The following PDSS1 variants were observed in gnomAD, a reference collection of about 807,000 sequenced individuals.
PDSS1 encodes the protein decaprenyl diphosphate synthase subunit 1.
A neutral mutation model predicts 57.5 loss-of-function variants in PDSS1; 43 were observed. The ratio of observed to expected loss-of-function variants is 0.75; its 90% CI spans 0.59 to 0.96. The LOEUF (loss-of-function observed/expected upper bound fraction) is 0.96, where lower values mean the gene tolerates loss of function less well. Ranked by LOEUF, PDSS1 falls within the 50% of genes least tolerant of loss-of-function variation. The probability of loss-of-function intolerance (pLI) is 0.00; values close to 1 mark genes in which losing one functional copy is unlikely to be tolerated. For missense variants in PDSS1, 438 were observed against 527.8 expected, an observed-to-expected ratio of 0.83 and a Z score of 1.67; for synonymous variants, 175 against 191.3, an observed-to-expected ratio of 0.91 and a Z score of 0.70.
chr10:26,741,502 CA>C (rs935374603), intron 10 of PDSS1, among the ~76,000 whole-genome samples: 1 of 141,270 alleles, frequency 7.1e-6, no homozygotes, highest in Non-Finnish European at 1.6e-5. Context: ...GGGGGAAAAA[CA>C]ACAAAAAAAC....
chr10:26,737,238 T>A (rs945978812), intron 10 of PDSS1, among the ~76,000 whole-genome samples: 7 of 152,226 alleles, frequency 4.6e-5, no homozygotes, highest in Non-Finnish European at 1.0e-4. Context: ...AGTTACCGGT[T>A]GAGTCCTACT....
chr10:26,718,485 G>A (rs559552326), intron 5 of PDSS1, among the ~76,000 whole-genome samples: 1 of 152,098 alleles, frequency 6.6e-6, no homozygotes, highest in East Asian at 1.9e-4. Flanking sequence ...ATGAGGCCAG[G>A]CGTGGTGGCT....
intron 8 of PDSS1, among the ~76,000 whole-genome samples, chr10:26,730,420 G>A (rs1052335701): frequency 6.6e-6 from 1 of 151,526 alleles, no homozygotes; most frequent in Non-Finnish European, 1.5e-5. Context: ...GACCAGCCTG[G>A]GCAACATGGC....
At chr10:26,743,993 G>A (rs1050391530) in intron 11 of PDSS1, among the ~76,000 whole-genome samples, 2 of 152,090 alleles carry the variant, frequency 1.3e-5, no homozygotes, top group African/African-American at 4.8e-5. Context: ...ATGAGTAAGA[G>A]CAAGTTCTAA....
intron 11 of PDSS1, among the ~76,000 whole-genome samples, chr10:26,745,444 A>G (rs567987464): frequency 6.6e-6 from 1 of 152,360 alleles, no homozygotes; most frequent in East Asian, 1.9e-4. Flanking sequence ...GAAGTAATCA[A>G]CAAAACAACT....
chr10:26,697,802 C>T lies in PDSS1; in HGVS notation c.91C>T (p.Pro31Ser). Residue 31 changes from proline (P) to serine (S), a missense_variant, in exon 1 of 12, where the codon CCG becomes TCG. By Grantham distance (74) the Pro-to-Ser change is moderately conservative (BLOSUM62 -1). Coordinates refer to ENST00000376215, the MANE Select transcript of PDSS1 (RefSeq NM_014317.5). ...PGPGSPGRAGPLGPSAAAEVR... is the reference protein window; with the variant it reads ...PGPGSPGRAGSLGPSAAAEVR... ...GCCCGGCTCCCCCGGCCGTGCGGGA[C>T]CGTTGGGGCCGAGCGCCGCTGCCGA... 1 of 1,342,950 alleles carries T rather than the reference C, an allele frequency of 7.4e-7. No homozygotes were observed. The highest frequency in any genetic ancestry group is 1.9e-5 in the South Asian group (1 of 52,784). 83.2% of individuals were successfully genotyped at this position (1,342,950 alleles called of 1,614,324 possible). A position where few individuals can be genotyped will look rare whatever the true frequency, so the allele number is the denominator to read the frequency against.
chr10:26,735,582 A>G lies in PDSS1; in HGVS notation c.1026+3A>G, dbSNP rs1836368327. 1 of 1,569,594 alleles carries G rather than the reference A, an allele frequency of 6.4e-7. No homozygotes were observed. Among genetic ancestry groups the G allele is most frequent in the Non-Finnish European group, 8.8e-7 (1 of 1,139,234 alleles). ...CTGTCCTGTTTGCCTGTCAGCAGGT[A>G]GGTTTTACAAACTCCCTTTGACACA... On this transcript the variant is annotated splice_donor_region_variant and intron_variant, in intron 10 of 11. Transcript: ENST00000376215.
At position 26,735,272 on chromosome 10, in the gene PDSS1, G is replaced by T; in HGVS notation, c.864G>T (p.Val288=). ...VSVLGCPDPV[V]HEIAYQYGKN... is the part of the protein sequence containing the mutation. ...TTCTAGGATGTCCCGACCCAGTGGTGCATGAGATCGCCTATCAGTACGGAA... is the reference window on the plus strand; with the variant it reads ...TTCTAGGATGTCCCGACCCAGTGGTTCATGAGATCGCCTATCAGTACGGAA... The change falls in exon 9 of 12, where the codon GTG becomes GTT. Residue 288 remains valine (V), a synonymous_variant. Coordinates refer to ENST00000376215, the MANE Select transcript of PDSS1 (RefSeq NM_014317.5). 1 of 1,613,662 alleles carries T rather than the reference G, an allele frequency of 6.2e-7. No individual in the cohort carries two copies. Among genetic ancestry groups the T allele is most frequent in the Non-Finnish European group, 8.5e-7 (1 of 1,179,544 alleles).
intron 10 of PDSS1, among the ~76,000 whole-genome samples, chr10:26,737,750 A>G (rs1836453848): frequency 6.9e-6 from 1 of 144,904 alleles, no homozygotes; most frequent in Non-Finnish European, 1.5e-5. Context: ...AAAAAAAAAA[A>G]AGGCTGGTTA....
At position 26,697,849 on chromosome 10, in the gene PDSS1, G is replaced by A. The variant is rs1834915615; in HGVS notation, c.129+9G>A. 5.3e-6 allele frequency: 7 copies of A among 1,316,384 alleles called. No individual in the cohort carries two copies. Among genetic ancestry groups the A allele is most frequent in the East Asian group, 3.2e-5 (1 of 30,780 alleles). The allele number at this position is 1,316,384 out of a possible 1,614,324, so 81.5% of individuals were successfully genotyped here. ...CCGAAGTCCGCGCGCAGGTGAGGTT[G>A]GGAGGCGCGCGCCCGGCGGGGCTCA... is the stretch of plus-strand genomic sequence containing the variant. On this transcript the variant is annotated intron_variant, in intron 1 of 11. Coordinates refer to ENST00000376215, the MANE Select transcript of PDSS1 (RefSeq NM_014317.5).
At chr10:26,734,918 G>A (rs908465983) in intron 8 of PDSS1, among the ~76,000 whole-genome samples, 1 of 152,180 alleles carries the variant, frequency 6.6e-6, no homozygotes, top group Non-Finnish European at 1.5e-5. Context: ...TGTCAAGAAG[G>A]TTTACTTAGC....
chr10:26,746,053 A>ATAAG (rs978165709), intron 11 of PDSS1, among the ~76,000 whole-genome samples: 33 of 152,318 alleles, frequency 2.2e-4, no homozygotes, highest in African/African-American at 7.9e-4. Flanking sequence ...AGAAATTCTA[A>ATAAG]TAAGTAAAAA....
intron 8 of PDSS1, among the ~76,000 whole-genome samples, chr10:26,728,774 CTTTTTTTTTTT>C (rs33930147): frequency 2.4e-5 from 2 of 84,570 alleles, no homozygotes; most frequent in African/African-American, 9.5e-5. Flanking sequence ...TATTCTGTAT[CTTTTTTTTTTT>C]TTTTTTTTTT....
intron 2 of PDSS1, among the ~76,000 whole-genome samples, chr10:26,702,428 C>T (rs1286446230): frequency 2.0e-5 from 3 of 152,080 alleles, no homozygotes. Context: ...GGCAGATTCC[C>T]CCATGCTGTT....
At chr10:26,744,553 G>A (rs1836741235) in intron 11 of PDSS1, among the ~76,000 whole-genome samples, 1 of 151,968 alleles carries the variant, frequency 6.6e-6, no homozygotes, top group Admixed American at 6.6e-5. Flanking sequence ...ACCACGCCCG[G>A]CTGATTTTTG....
In PDSS1 at chr10:26,746,675, C is replaced by G. The variant is rs1207202930; in HGVS notation, c.*202C>G. The G allele has an allele frequency of 1.8e-6, 1 of 568,076 alleles. No individual in the cohort carries two copies. The highest frequency in any genetic ancestry group is 1.9e-5 in the African/African-American group (1 of 53,422). 35.2% of individuals were successfully genotyped at this position (568,076 alleles called of 1,614,324 possible). A position where few individuals can be genotyped will look rare whatever the true frequency, so the allele number is the denominator to read the frequency against. On this transcript the variant is annotated 3_prime_UTR_variant, in exon 12 of 12. Transcript: ENST00000376215. ...AATGTAATTAATAAACCACCTGAAT[C>G]TGTCATTCTAGTCCTATAAATTATA...
chr10:26,700,334 T>G (rs577788611), intron 1 of PDSS1, among the ~76,000 whole-genome samples: 1 of 136,400 alleles, frequency 7.3e-6, no homozygotes, highest in South Asian at 2.6e-4. Context: ...CTGAGCGTGG[T>G]GGCTCACGCC....
intron 8 of PDSS1, among the ~76,000 whole-genome samples, chr10:26,725,622 C>T (rs1835926525): frequency 6.6e-6 from 1 of 152,100 alleles, no homozygotes; most frequent in African/African-American, 2.4e-5. Context: ...TAATCCTTTA[C>T]ATATTATCAT....
At chr10:26,703,496 TGAA>T (rs1835108210) in intron 2 of PDSS1, among the ~76,000 whole-genome samples, 1 of 152,200 alleles carries the variant, frequency 6.6e-6, no homozygotes, top group Admixed American at 6.5e-5. Flanking sequence ...AGTCTCTTAC[TGAA>T]GAAGTTTTAC....
Sources: allele counts gnomAD v4.1 joint callset (sites outside exome capture counted in the v4.1 genomes callset), GRCh38; gene constraint gnomAD v4.1.1; transcripts MANE v1.5; gene names NCBI Gene and HGNC (gene_info 2026-07-23, HGNC 2026-07-21).